Variants in JMJD1C observed in about 807,000 individuals in gnomAD.
JMJD1C encodes the protein jumonji domain-containing protein 1C.
JMJD1C carries 31 observed loss-of-function variants against 245.3 expected under a neutral mutation model. The observed-to-expected ratio is 0.13, with a 90% confidence interval of 0.09 to 0.17. The LOEUF is 0.17. Ranked by LOEUF, JMJD1C falls within the 10% of genes least tolerant of loss-of-function variation. JMJD1C has a pLI of 1.00. For missense variants in JMJD1C, 2,691 were observed against 3,000.2 expected (o/e 0.90, Z 2.41); for synonymous variants, 1,057 against 1,017.4 (o/e 1.04, Z -0.74).
Position 63,207,052 on chromosome 10 carries a change from G to C in JMJD1C, c.4617C>G (p.Ser1539=), listed in dbSNP as rs753472329. 5.0e-6 allele frequency: 8 copies of C among 1,614,092 alleles called. No individual in the cohort carries two copies. The highest frequency in any genetic ancestry group is 5.9e-6 in the Non-Finnish European group (7 of 1,180,004). The change falls in exon 10 of 26, where the codon TCC becomes TCG. Residue 1539 remains serine, a synonymous_variant. Transcript: ENST00000399262. ...KANSVGNGQA[S]QTSQPNYHTK... Reference sequence around the variant, plus strand: ...TATGGTAGTTTGGTTGACTTGTCTGGGAAGCTTGCCCATTTCCTACAGAGT... The same window carrying C: ...TATGGTAGTTTGGTTGACTTGTCTGCGAAGCTTGCCCATTTCCTACAGAGT...
At chr10:63,377,987 G>GTA (rs1260770271) in intron 2 of JMJD1C, among the ~76,000 whole-genome samples, 2 of 147,870 alleles carry the variant, frequency 1.4e-5, no homozygotes, top group Admixed American at 6.8e-5. Flanking sequence ...ATATATATTA[G>GTA]TATATATATA....
chr10:63,340,512 T>C (rs1436212131), intron 2 of JMJD1C, among the ~76,000 whole-genome samples: 1 of 152,212 alleles, frequency 6.6e-6, no homozygotes. Context: ...GTAACGGTTA[T>C]TAAAAAGAGA....
At chr10:63,250,377 G>T (rs1370129551) in intron 3 of JMJD1C, among the ~76,000 whole-genome samples, 2 of 152,044 alleles carry the variant, frequency 1.3e-5, no homozygotes, top group Non-Finnish European at 2.9e-5. Context: ...GACAAGATGA[G>T]GAAAAGATAC....
chr10:63,404,655 A>G (rs1307142499), intron 1 of JMJD1C, among the ~76,000 whole-genome samples: 1 of 152,228 alleles, frequency 6.6e-6, no homozygotes, highest in African/African-American at 2.4e-5. Context: ...ACACGTCTGT[A>G]TAATTTATCT....
chr10:63,296,965 C>T (rs1199170910), intron 2 of JMJD1C, among the ~76,000 whole-genome samples: 1 of 152,078 alleles, frequency 6.6e-6, no homozygotes, highest in Non-Finnish European at 1.5e-5. Context: ...GTACCTGTTA[C>T]TATATAATTA....
At chr10:63,402,071 T>G (rs890951603) in intron 1 of JMJD1C, among the ~76,000 whole-genome samples, 1 of 150,890 alleles carries the variant, frequency 6.6e-6, no homozygotes, top group African/African-American at 2.4e-5. Flanking sequence ...GAGGCAGAGT[T>G]TGCAATGAGC....
intron 1 of JMJD1C, among the ~76,000 whole-genome samples, chr10:63,493,037 G>A (rs1004082878): frequency 1.3e-5 from 2 of 152,082 alleles, no homozygotes; most frequent in African/African-American, 4.8e-5. Flanking sequence ...ATTTTCAATT[G>A]CCTGAATTTC....
chr10:63,168,774 G>C (rs995537052), intron 24 of JMJD1C, among the ~76,000 whole-genome samples: 1 of 152,140 alleles, frequency 6.6e-6, no homozygotes, highest in Admixed American at 6.5e-5. Context: ...TTTGTAAATG[G>C]AATATTTTTA....
chr10:63,201,578 C>G lies in JMJD1C; in HGVS notation c.5075-901G>C, dbSNP rs181575466. Among the ~76,000 whole-genome samples, 103 of 152,072 alleles carry G rather than the reference C, an allele frequency of 6.8e-4. 1 individual carries two copies. Among genetic ancestry groups the G allele is most frequent in the African/African-American group, 2.4e-3 (100 of 41,488 alleles). On this transcript the variant is annotated intron_variant, in intron 10 of 25. Transcript: ENST00000399262. ...TAGAGAGTAAGAAGAATTTCTGGAC[C>G]GAGAGGAACTCCAAAAATTAAATGT...
chr10:63,260,284 C>CTGG (rs1322235608), intron 3 of JMJD1C, among the ~76,000 whole-genome samples: 1 of 152,108 alleles, frequency 6.6e-6, no homozygotes, highest in Non-Finnish European at 1.5e-5. Context: ...ACTAACAAGC[C>CTGG]AGACCAAGCC....
intron 1 of JMJD1C, among the ~76,000 whole-genome samples, chr10:63,447,652 TTA>T (rs1171898526): frequency 6.6e-6 from 1 of 152,090 alleles, no homozygotes; most frequent in Non-Finnish European, 1.5e-5. Context: ...TGATCAAATC[TTA>T]TTTTCTATGG....
intron 1 of JMJD1C, 29 bp downstream of exon 1, chr10:63,465,466 G>A (rs778077798): frequency 6.4e-6 from 10 of 1,568,816 alleles, no homozygotes; most frequent in Admixed American, 1.8e-5. Flanking sequence ...GGGCGCGGCA[G>A]GGGAAAAGGG....
At chr10:63,240,627 A>C (rs990077592) in intron 3 of JMJD1C, among the ~76,000 whole-genome samples, 1 of 152,202 alleles carries the variant, frequency 6.6e-6, no homozygotes, top group Non-Finnish European at 1.5e-5. Flanking sequence ...GAAGGAAAGG[A>C]GTAAGATAAG....
At chr10:63,509,380 G>A (rs1954809703) in intron 1 of JMJD1C, among the ~76,000 whole-genome samples, 1 of 152,168 alleles carries the variant, frequency 6.6e-6, no homozygotes, top group Admixed American at 6.5e-5. Context: ...GTATGTACTT[G>A]GCTTTTCTTG....
chr10:63,501,869 T>C (rs926900125), intron 1 of JMJD1C, among the ~76,000 whole-genome samples: 6 of 152,026 alleles, frequency 3.9e-5, no homozygotes, highest in Non-Finnish European at 7.4e-5. Flanking sequence ...TCATCACCTA[T>C]GAACAAACTG....
At chr10:63,280,010 G>C (rs1208093016) in intron 2 of JMJD1C, among the ~76,000 whole-genome samples, 2 of 151,810 alleles carry the variant, frequency 1.3e-5, no homozygotes, top group African/African-American at 2.4e-5. Flanking sequence ...ACTACCTGGA[G>C]TGTGGTGGCA....
At chr10:63,433,361 G>C (rs1259224381) in intron 1 of JMJD1C, among the ~76,000 whole-genome samples, 1 of 152,100 alleles carries the variant, frequency 6.6e-6, no homozygotes, top group Non-Finnish European at 1.5e-5. Flanking sequence ...CTCCCAAAGT[G>C]CTGGGATTAC....
At chr10:63,517,021 T>C (rs1955039714) in intron 1 of JMJD1C, among the ~76,000 whole-genome samples, 1 of 152,174 alleles carries the variant, frequency 6.6e-6, no homozygotes, top group Non-Finnish European at 1.5e-5. Flanking sequence ...TAAGATCCTC[T>C]CTCTCCCCCT....
chr10:63,337,776 G>C (rs530474456), intron 2 of JMJD1C, among the ~76,000 whole-genome samples: 4 of 152,152 alleles, frequency 2.6e-5, no homozygotes, highest in African/African-American at 9.6e-5. Context: ...GAAGATGTGT[G>C]ATCATGCTCT....
Sources: gnomAD v4.1 joint callset for allele counts (sites outside exome capture counted in the v4.1 genomes callset) on GRCh38, gnomAD v4.1.1 for gene constraint, MANE v1.5 for transcripts, NCBI Gene and HGNC (gene_info 2026-07-23, HGNC 2026-07-21) for gene names.